Variants in UTS2 observed in about 807,000 individuals in gnomAD.
UTS2 encodes the protein urotensin-2.
UTS2 carries 10 observed loss-of-function variants against 12.6 expected under a neutral mutation model. That is an observed-to-expected ratio of 0.80 (90% CI 0.49 to 1.35). The LOEUF (loss-of-function observed/expected upper bound fraction) is 1.35. Among genes scored for constraint, UTS2 ranks in the 40% most tolerant of loss-of-function variants. UTS2 has a pLI of 0.00. For missense variants in UTS2, 142 were observed against 143.2 expected, an observed-to-expected ratio of 0.99 and a Z score of 0.04; for synonymous variants, 52 against 50.0, an observed-to-expected ratio of 1.04 and a Z score of -0.17.
chr1:7,872,415 G>A, the UTS2 span, among the ~76,000 whole-genome samples: 1 of 151,732 alleles, frequency 6.6e-6, no homozygotes, highest in Non-Finnish European at 1.5e-5. Context: ...GTACCAGTTA[G>A]CCAAGCTTTA....
the UTS2 span, among the ~76,000 whole-genome samples, chr1:7,899,685 T>A: frequency 6.6e-6 from 1 of 152,208 alleles, no homozygotes; most frequent in Non-Finnish European, 1.5e-5. Context: ...ATGATCTTTT[T>A]TAAACACTGT....
At chr1:7,891,742 A>C in the UTS2 span, among the ~76,000 whole-genome samples, 1 of 152,168 alleles carries the variant, frequency 6.6e-6, no homozygotes, top group Non-Finnish European at 1.5e-5. Context: ...AAACATGTAC[A>C]ATTTTTGTCA....
At chr1:7,856,919 G>A (rs568925670), upstream of UTS2, among the ~76,000 whole-genome samples, 36 of 152,098 alleles carry the variant, frequency 2.4e-4, no homozygotes, top group African/African-American at 8.2e-4. Context: ...AAATTAGCCG[G>A]GAGTAGTGGT....
chr1:7,904,183 A>C, the UTS2 span, among the ~76,000 whole-genome samples: 1 of 152,028 alleles, frequency 6.6e-6, no homozygotes, highest in African/African-American at 2.4e-5. Flanking sequence ...GAATGTGTCT[A>C]ATGAAAAGTA....
At chr1:7,853,484 G>A (rs2097416306), upstream of UTS2, 1 of 1,571,690 alleles carries the variant, frequency 6.4e-7, no homozygotes, top group African/African-American at 1.4e-5. Context: ...GTTTAGGGCT[G>A]CCATCCCTGA....
At chr1:7,857,812 T>A (rs1638344042), upstream of UTS2, among the ~76,000 whole-genome samples, 1 of 147,300 alleles carries the variant, frequency 6.8e-6, no homozygotes, top group African/African-American at 2.6e-5. Context: ...ATCATGCCAT[T>A]GCACTCCAGC....
At chr1:7,881,704 C>A in the UTS2 span, among the ~76,000 whole-genome samples, 14,034 of 152,102 alleles carry the variant, frequency 0.092, 1,047 homozygotes, top group African/African-American at 0.19. Context: ...TGACCATACT[C>A]CCCAAAGCAA....
At chr1:7,894,386 C>T in the UTS2 span, among the ~76,000 whole-genome samples, 1 of 151,960 alleles carries the variant, frequency 6.6e-6, no homozygotes, top group Non-Finnish European at 1.5e-5. Flanking sequence ...GTTGCCCAGG[C>T]TCGTCTCAGA....
chr1:7,906,351 A>G, the UTS2 span, among the ~76,000 whole-genome samples: 1 of 151,538 alleles, frequency 6.6e-6, no homozygotes, highest in Non-Finnish European at 1.5e-5. Flanking sequence ...AGCCTCTGCC[A>G]CAGGAACTGG....
intron 1 of UTS2, among the ~76,000 whole-genome samples, chr1:7,851,963 T>C (rs2097414614): frequency 6.6e-6 from 1 of 152,130 alleles, no homozygotes; most frequent in African/African-American, 2.4e-5. Flanking sequence ...TCTTTGTAAA[T>C]AGCAGAGATT....
At chr1:7,890,124 T>TA in the UTS2 span, among the ~76,000 whole-genome samples, 49,213 of 135,440 alleles carry the variant, frequency 0.36, 8,844 homozygotes, top group Non-Finnish European at 0.4. Flanking sequence ...AGCCTCCATC[T>TA]AAAAAAAAAA....
chr1:7,853,554 G>T, upstream of UTS2: 2 of 1,366,078 alleles, frequency 1.5e-6, no homozygotes, highest in Non-Finnish European at 2.0e-6. Flanking sequence ...ACAGTGAAAA[G>T]TTAAAATACA....
chr1:7,913,104 G>A, the UTS2 span, among the ~76,000 whole-genome samples: 2 of 150,724 alleles, frequency 1.3e-5, no homozygotes, highest in Non-Finnish European at 2.9e-5. Flanking sequence ...GCCTGCTACG[G>A]AACTCCCACC....
At chr1:7,857,936 T>C (rs186631418), upstream of UTS2, among the ~76,000 whole-genome samples, 50 of 151,744 alleles carry the variant, frequency 3.3e-4, no homozygotes, top group African/African-American at 1.0e-3. Flanking sequence ...TTTATATATA[T>C]GTAAAGCACT....
the UTS2 span, among the ~76,000 whole-genome samples, chr1:7,891,781 A>G: frequency 2.0e-5 from 3 of 152,200 alleles, no homozygotes; most frequent in African/African-American, 7.2e-5. Context: ...AAATGTTATA[A>G]AGAAAGAAAC....
chr1:7,867,786 G>A, the UTS2 span, among the ~76,000 whole-genome samples: 1 of 152,156 alleles, frequency 6.6e-6, no homozygotes, highest in Non-Finnish European at 1.5e-5. Flanking sequence ...TGAGGCAGGA[G>A]AATCGCTTGA....
chr1:7,907,635 T>C, the UTS2 span, among the ~76,000 whole-genome samples: 1 of 149,078 alleles, frequency 6.7e-6, no homozygotes, highest in Admixed American at 6.7e-5. Context: ...AGCCAGACCA[T>C]GTCTCTAAAA....
chr1:7,871,320 T>C, the UTS2 span, among the ~76,000 whole-genome samples: 1 of 148,992 alleles, frequency 6.7e-6, no homozygotes, highest in African/African-American at 2.5e-5. Context: ...TATGTACTTA[T>C]CAGTCACGTA....
the UTS2 span, among the ~76,000 whole-genome samples, chr1:7,889,173 C>T: frequency 1.4e-3 from 215 of 148,776 alleles, no homozygotes; most frequent in Non-Finnish European, 2.4e-3. Flanking sequence ...CCTGCAATCC[C>T]AGCACTTTGG....
Sources: allele counts gnomAD v4.1 joint callset (sites outside exome capture counted in the v4.1 genomes callset), GRCh38; gene constraint gnomAD v4.1.1; transcripts MANE v1.5; gene names NCBI Gene and HGNC (gene_info 2026-07-23, HGNC 2026-07-21).